The following SYT10 variants were observed in gnomAD, a reference collection of about 807,000 sequenced individuals.
SYT10 encodes the protein synaptotagmin-10.
In SYT10, 31 loss-of-function variants were observed where a neutral mutation model predicts 51.1. The observed-to-expected ratio is 0.61, with a 90% CI of 0.46 to 0.82. SYT10 has a LOEUF of 0.82. Ranked by LOEUF, SYT10 falls within the 40% of genes least tolerant of loss-of-function variation. SYT10 has a pLI of 0.00. For synonymous variants in SYT10, 233 were observed against 225.9 expected (o/e 1.03, Z -0.28); for missense variants, 603 against 634.0 (o/e 0.95, Z 0.53).
chr12:33,411,085 T>G (rs1000791899), intron 2 of SYT10, among the ~76,000 whole-genome samples: 1 of 152,174 alleles, frequency 6.6e-6, no homozygotes, highest in Non-Finnish European at 1.5e-5. Context: ...GGTAAGCAGG[T>G]GCTAAAATTA....
At chr12:33,414,507 A>G (rs1490187260) in intron 2 of SYT10, among the ~76,000 whole-genome samples, 2 of 152,240 alleles carry the variant, frequency 1.3e-5, no homozygotes, top group African/African-American at 4.8e-5. Flanking sequence ...ATCAAACTAG[A>G]ACTCAGGATT....
chr12:33,385,778 T>TG (rs1291633131), intron 3 of SYT10, among the ~76,000 whole-genome samples: 1 of 152,180 alleles, frequency 6.6e-6, no homozygotes, highest in East Asian at 1.9e-4. Context: ...CATCACCACT[T>TG]GCCAGGATTA....
At chr12:33,394,158 G>T (rs576216261) in intron 3 of SYT10, among the ~76,000 whole-genome samples, 2 of 152,264 alleles carry the variant, frequency 1.3e-5, no homozygotes, top group South Asian at 2.1e-4. Flanking sequence ...TATTTGATAG[G>T]TGCCAGCTTC....
chr12:33,414,202 C>G (rs79182499), intron 2 of SYT10, among the ~76,000 whole-genome samples: 1 of 152,138 alleles, frequency 6.6e-6, no homozygotes, highest in Non-Finnish European at 1.5e-5. Flanking sequence ...TAGAAACATA[C>G]AAAGAGACTT....
chr12:33,377,735 C>T (rs1414243864), intron 6 of SYT10, among the ~76,000 whole-genome samples: 2 of 148,904 alleles, frequency 1.3e-5, no homozygotes, highest in South Asian at 2.1e-4. Flanking sequence ...TTAAGCAATT[C>T]TCCTGCCTCA....
At chr12:33,413,553 T>C (rs532907288) in intron 2 of SYT10, among the ~76,000 whole-genome samples, 1 of 152,304 alleles carries the variant, frequency 6.6e-6, no homozygotes, top group South Asian at 2.1e-4. Context: ...AAAAGTATTT[T>C]CAACTCAGAA....
At chr12:33,409,028 C>G (rs1377986906) in intron 2 of SYT10, among the ~76,000 whole-genome samples, 3 of 151,746 alleles carry the variant, frequency 2.0e-5, no homozygotes, top group Non-Finnish European at 4.4e-5. Flanking sequence ...TCACCTTCAG[C>G]TGGCTTTTTT....
chr12:33,434,276 T>G (rs534129590), intron 1 of SYT10, among the ~76,000 whole-genome samples: 1 of 152,354 alleles, frequency 6.6e-6, no homozygotes, highest in East Asian at 1.9e-4. Context: ...TATTGCTGAC[T>G]GAATTCTAGC....
intron 2 of SYT10, among the ~76,000 whole-genome samples, chr12:33,425,315 G>A (rs749381991): frequency 5.9e-5 from 9 of 151,994 alleles, no homozygotes; most frequent in African/African-American, 1.4e-4. Context: ...TTGGCAACCC[G>A]AGAAAAATTG....
intron 2 of SYT10, among the ~76,000 whole-genome samples, chr12:33,414,234 T>C (rs1315763536): frequency 3.9e-5 from 6 of 152,102 alleles, no homozygotes; most frequent in Non-Finnish European, 8.8e-5. Flanking sequence ...CAATAATAAT[T>C]GGAGACTTTC....
chr12:33,439,699 G>C lies in SYT10; in HGVS notation c.-177C>G. On this transcript the variant is annotated 5_prime_UTR_variant, in exon 1 of 7. Transcript: ENST00000228567. Reference sequence around the variant, plus strand: ...GCCCCACGTTGGCCCCATGGCGGGAGCGGAGGGCGTAGGGGAAGGAGAGGC... The same window carrying C: ...GCCCCACGTTGGCCCCATGGCGGGACCGGAGGGCGTAGGGGAAGGAGAGGC... The C allele has an allele frequency of 1.3e-6, 1 of 744,660 alleles. No homozygotes were observed. Among genetic ancestry groups the C allele is most frequent in the Non-Finnish European group, 2.1e-6 (1 of 479,942 alleles). 46.1% of individuals were successfully genotyped at this position (744,660 alleles called of 1,614,324 possible). A position where few individuals can be genotyped will look rare whatever the true frequency, so the allele number is the denominator to read the frequency against.
chr12:33,398,938 T>A (rs774418363), intron 3 of SYT10, among the ~76,000 whole-genome samples: 5 of 152,156 alleles, frequency 3.3e-5, no homozygotes, highest in Non-Finnish European at 7.4e-5. Context: ...TATAAAGAAA[T>A]GTGGGTTTGT....
intron 2 of SYT10, among the ~76,000 whole-genome samples, chr12:33,412,070 A>T (rs1313843086): frequency 5.3e-5 from 8 of 152,112 alleles, no homozygotes; most frequent in Non-Finnish European, 2.9e-5. Flanking sequence ...TTTTGGGAGC[A>T]AAACCCCTAA....
At chr12:33,382,839 G>A (rs1015837161) in intron 4 of SYT10, among the ~76,000 whole-genome samples, 4 of 152,090 alleles carry the variant, frequency 2.6e-5, no homozygotes, top group East Asian at 1.9e-4. Context: ...ACTGGAAAAG[G>A]ACCTAAAATT....
rs1866064770 is a variant in SYT10, at chr12:33,376,646, A to T, written c.*184T>A. ...ATGCAACTAAGGACTATATGTATTC[A>T]AGTAAAATGTATTGATGTTCAAAGT... On this transcript the variant is annotated 3_prime_UTR_variant, in exon 7 of 7. Transcript: ENST00000228567. 1 of 641,902 alleles carries T rather than the reference A, an allele frequency of 1.6e-6. No homozygotes were observed. The highest frequency in any genetic ancestry group is 2.9e-5 in the Admixed American group (1 of 34,008). 39.8% of individuals were successfully genotyped at this position (641,902 alleles called of 1,614,324 possible). A position where few individuals can be genotyped will look rare whatever the true frequency, so the allele number is the denominator to read the frequency against.
intron 3 of SYT10, among the ~76,000 whole-genome samples, chr12:33,397,134 A>G (rs538229049): frequency 6.6e-6 from 1 of 152,228 alleles, no homozygotes; most frequent in Non-Finnish European, 1.5e-5. Context: ...TGGTCCAGAA[A>G]GGTTATAGGA....
At chr12:33,398,830 G>A (rs1432973197) in intron 3 of SYT10, among the ~76,000 whole-genome samples, 1 of 152,154 alleles carries the variant, frequency 6.6e-6, no homozygotes, top group East Asian at 1.9e-4. Context: ...ACTATGGTTA[G>A]CCTTCTCATA....
At chr12:33,438,067 T>C (rs114224939) in intron 1 of SYT10, among the ~76,000 whole-genome samples, 1,625 of 152,204 alleles carry the variant, frequency 0.011, 33 homozygotes, top group African/African-American at 0.035. Flanking sequence ...CAGCTACCCA[T>C]GTGAACGATG....
chr12:33,389,867 A>G (rs2138393591), intron 3 of SYT10, among the ~76,000 whole-genome samples: 1 of 152,232 alleles, frequency 6.6e-6, no homozygotes, highest in South Asian at 2.1e-4. Context: ...CAAAATACAG[A>G]CCCAGAGTGG....
Sources: gnomAD v4.1 joint callset for allele counts (sites outside exome capture counted in the v4.1 genomes callset) on GRCh38, gnomAD v4.1.1 for gene constraint, MANE v1.5 for transcripts, NCBI Gene and HGNC (gene_info 2026-07-23, HGNC 2026-07-21) for gene names.